The following DSCAM variants were observed in gnomAD, a reference collection of about 807,000 sequenced individuals.
The protein encoded by DSCAM is DS cell adhesion molecule.
A neutral mutation model predicts 217.7 loss-of-function variants in DSCAM; 47 were observed. The ratio of observed to expected loss-of-function variants is 0.22; its 90% confidence interval spans 0.17 to 0.28. The LOEUF is 0.28. DSCAM is among the 10% of genes least tolerant of loss of function. The pLI, the probability that DSCAM is intolerant of heterozygous loss-of-function variation, is 1.00. For missense variants in DSCAM, 2,080 were observed against 2,618.3 expected, an observed-to-expected ratio of 0.79 and a Z score of 4.49; for synonymous variants, 1,056 against 1,015.3, an observed-to-expected ratio of 1.04 and a Z score of -0.76.
At chr21:40,592,469 C>T (rs182396084) in intron 3 of DSCAM, among the ~76,000 whole-genome samples, 4 of 152,156 alleles carry the variant, frequency 2.6e-5, no homozygotes, top group Non-Finnish European at 5.9e-5. Flanking sequence ...ATGTAAAGAC[C>T]TCGCTATCAT....
intron 11 of DSCAM, among the ~76,000 whole-genome samples, chr21:40,230,696 T>G (rs377698554): frequency 6.6e-6 from 1 of 152,252 alleles, no homozygotes; most frequent in Non-Finnish European, 1.5e-5. Flanking sequence ...AGACTTCTGC[T>G]CTGACTCATG....
intron 1 of DSCAM, among the ~76,000 whole-genome samples, chr21:40,845,992 T>C (rs2092141837): frequency 6.9e-6 from 1 of 145,908 alleles, no homozygotes; most frequent in Non-Finnish European, 1.5e-5. Flanking sequence ...TTTACAACTA[T>C]ACAGGTGTTT....
rs1470210056 is a variant in DSCAM, at chr21:40,427,987, CT to C, written c.509-58743del. Among the ~76,000 whole-genome samples the C allele has an allele frequency of 9.2e-5, 14 of 152,296 alleles. No individual in the cohort carries two copies. The East Asian group carries it at 2.7e-3, about 29-fold the overall frequency. Reference sequence around the variant, plus strand: ...TTCTTCCAGACCTTGACCCATTATACTTTGTGCTACACTGTATCATCTTCGC... The same window carrying C: ...TTCTTCCAGACCTTGACCCATTATACTTGTGCTACACTGTATCATCTTCGC... On this transcript the variant is annotated intron_variant, in intron 3 of 32. Coordinates refer to ENST00000400454, the MANE Select transcript of DSCAM (RefSeq NM_001389.5).
At chr21:40,842,137 A>AGT (rs1008399805) in intron 1 of DSCAM, among the ~76,000 whole-genome samples, 4 of 152,176 alleles carry the variant, frequency 2.6e-5, no homozygotes, top group Non-Finnish European at 5.9e-5. Context: ...GCCGCCCACT[A>AGT]GTGTCCTATG....
At chr21:40,405,818 G>A (rs189385991) in intron 3 of DSCAM, among the ~76,000 whole-genome samples, 24 of 152,178 alleles carry the variant, frequency 1.6e-4, no homozygotes, top group Middle Eastern at 3.4e-3. Flanking sequence ...CTAACACAGC[G>A]AAACCCCGTC....
chr21:40,423,488 G>GC (rs1244000654), intron 3 of DSCAM, among the ~76,000 whole-genome samples: 5 of 152,180 alleles, frequency 3.3e-5, no homozygotes, highest in Admixed American at 3.3e-4. Flanking sequence ...ATGGGAAAGG[G>GC]GTGCAAGACA....
At chr21:40,151,009 G>A (rs895702602) in intron 16 of DSCAM, among the ~76,000 whole-genome samples, 1 of 152,174 alleles carries the variant, frequency 6.6e-6, no homozygotes, top group African/African-American at 2.4e-5. Context: ...CATAATATTG[G>A]AGAAGACAAA....
At chr21:40,813,257 C>T (rs1569049159) in intron 1 of DSCAM, among the ~76,000 whole-genome samples, 3 of 152,122 alleles carry the variant, frequency 2.0e-5, no homozygotes, top group African/African-American at 7.2e-5. Context: ...TCTCTCTGAC[C>T]TAAAAACCAT....
intron 11 of DSCAM, among the ~76,000 whole-genome samples, chr21:40,226,473 A>C (rs1385696825): frequency 6.6e-6 from 1 of 152,090 alleles, no homozygotes; most frequent in African/African-American, 2.4e-5. Flanking sequence ...AGCAGAAGAG[A>C]TTCTATATTA....
chr21:40,381,717 C>T (rs112239191), intron 3 of DSCAM, among the ~76,000 whole-genome samples: 4 of 152,316 alleles, frequency 2.6e-5, no homozygotes, highest in African/African-American at 7.2e-5. Flanking sequence ...AAGAATGAAA[C>T]TAACACTATG....
intron 11 of DSCAM, among the ~76,000 whole-genome samples, chr21:40,197,711 C>T (rs1415904796): frequency 6.6e-6 from 1 of 152,130 alleles, no homozygotes; most frequent in Admixed American, 6.5e-5. Flanking sequence ...ACGCATCTGT[C>T]CTTCTGTCCT....
intron 4 of DSCAM, among the ~76,000 whole-genome samples, chr21:40,367,354 T>C (rs1014336378): frequency 2.0e-5 from 3 of 152,170 alleles, no homozygotes; most frequent in Non-Finnish European, 4.4e-5. Flanking sequence ...GAAGGTGCCA[T>C]CCATGTACTT....
At chr21:40,063,416 T>C (rs2089153951) in intron 27 of DSCAM, among the ~76,000 whole-genome samples, 4 of 152,106 alleles carry the variant, frequency 2.6e-5, no homozygotes, top group Admixed American at 1.3e-4. Flanking sequence ...ATTTTTTTTT[T>C]CTCTGAGCAC....
At chr21:40,115,492 C>T (rs1228509605) in intron 20 of DSCAM, among the ~76,000 whole-genome samples, 3 of 151,890 alleles carry the variant, frequency 2.0e-5, no homozygotes, top group Non-Finnish European at 4.4e-5. Context: ...TGCAGCACAC[C>T]AACATGGCAC....
intron 3 of DSCAM, among the ~76,000 whole-genome samples, chr21:40,686,650 G>T (rs2090481799): frequency 6.6e-6 from 1 of 152,176 alleles, no homozygotes; most frequent in South Asian, 2.1e-4. Context: ...TACACAGTTT[G>T]CAGCTTTCAG....
intron 3 of DSCAM, among the ~76,000 whole-genome samples, chr21:40,480,138 T>C (rs1205945939): frequency 6.6e-6 from 1 of 152,216 alleles, no homozygotes; most frequent in African/African-American, 2.4e-5. Context: ...TCAAACGCCA[T>C]TTCTCTGGGA....
At chr21:40,282,968 T>A (rs1193409669) in intron 10 of DSCAM, among the ~76,000 whole-genome samples, 1 of 152,220 alleles carries the variant, frequency 6.6e-6, no homozygotes, top group Non-Finnish European at 1.5e-5. Context: ...ACATTAAATC[T>A]TTTCTTCATC....
At chr21:40,152,725 G>A (rs776087691) in intron 16 of DSCAM, among the ~76,000 whole-genome samples, 7 of 152,250 alleles carry the variant, frequency 4.6e-5, no homozygotes, top group Non-Finnish European at 8.8e-5. Context: ...GCTGCAAGCC[G>A]CCTGTGGCAG....
chr21:40,626,808 C>T (rs966408023), intron 3 of DSCAM, among the ~76,000 whole-genome samples: 9 of 152,162 alleles, frequency 5.9e-5, no homozygotes, highest in Non-Finnish European at 1.0e-4. Context: ...ATGGTAAGTA[C>T]ATATTTGCTG....
Sources: gnomAD v4.1 joint callset for allele counts (sites outside exome capture counted in the v4.1 genomes callset) on GRCh38, gnomAD v4.1.1 for gene constraint, MANE v1.5 for transcripts, NCBI Gene and HGNC (gene_info 2026-07-23, HGNC 2026-07-21) for gene names.